The following C9 variants were observed in gnomAD, a reference collection of about 807,000 sequenced individuals.
The protein encoded by C9 is complement C9, also known as complement component C9.
A neutral mutation model predicts 65.4 loss-of-function variants in C9; 63 were observed. The observed-to-expected ratio is 0.96, with a 90% CI of 0.79 to 1.19. The LOEUF is 1.19. Ranked by LOEUF, C9 falls within the 50% of genes most tolerant of loss-of-function variation. C9 has a pLI of 0.00. For synonymous variants in C9, 229 were observed against 227.9 expected, an observed-to-expected ratio of 1.00 and a Z score of -0.04; for missense variants, 744 against 670.1, an observed-to-expected ratio of 1.11 and a Z score of -1.22.
chr5:39,356,691 A>G (rs900349986), intron 1 of C9, among the ~76,000 whole-genome samples: 23 of 152,370 alleles, frequency 1.5e-4, no homozygotes, highest in Non-Finnish European at 1.3e-4. Flanking sequence ...AGTCATGCAA[A>G]AAGAATATAT....
rs879893847 is a variant in C9 at position 39,301,843 on chromosome 5, G to A, written c.1416+4774C>T. On this transcript the variant is annotated intron_variant, in intron 9 of 10. Transcript: ENST00000263408. Reference sequence around the variant, plus strand: ...ACTGTTCACCAGTGTAGTCTTTTATGAATTAGTATATAGTATATAGGATTC... The same window carrying A: ...ACTGTTCACCAGTGTAGTCTTTTATAAATTAGTATATAGTATATAGGATTC... Among the ~76,000 whole-genome samples the A allele has an allele frequency of 3.7e-4, 56 of 152,024 alleles. 2 individuals carry two copies. Among genetic ancestry groups the A allele is most frequent in the Admixed American group, 7.9e-4 (12 of 15,238 alleles).
intron 1 of C9, among the ~76,000 whole-genome samples, chr5:39,350,569 A>G (rs968541514): frequency 6.7e-6 from 1 of 149,780 alleles, no homozygotes; most frequent in Non-Finnish European, 1.5e-5. Context: ...CATAGGGTAA[A>G]TGCTCCCTTT....
rs939504672 is a variant in C9, at chr5:39,284,433, T to C, written c.*766A>G. On this transcript the variant is annotated 3_prime_UTR_variant, in exon 11 of 11. Coordinates refer to ENST00000263408, the MANE Select transcript of C9 (RefSeq NM_001737.5). The stretch of plus-strand genomic sequence containing the variant: ...TAAGGCTAGGTATTAAGTTGGACTA[T>C]ATAAAATTGATGTTTTTTCTTGTAA... 6.6e-6 allele frequency: 1 copy of C among 152,228 alleles called. No individual in the cohort carries two copies. The highest frequency in any genetic ancestry group is 2.4e-5 in the African/African-American group (1 of 41,456). The allele number at this position is 152,228 out of a possible 1,614,324, so 9.4% of individuals were successfully genotyped here.
chr5:39,351,206 G>A (rs760203356), intron 1 of C9, among the ~76,000 whole-genome samples: 12 of 152,138 alleles, frequency 7.9e-5, no homozygotes, highest in Non-Finnish European at 1.8e-4. Flanking sequence ...ATGTCCCAAG[G>A]CTGCACAGAG....
At chr5:39,341,528 C>T (rs1754082453) in intron 3 of C9, 28 bp downstream of exon 3, 23 of 1,611,464 alleles carry the variant, frequency 1.4e-5, no homozygotes, top group Non-Finnish European at 1.9e-5. Flanking sequence ...CAGAAAGCCA[C>T]AATGAGCAAT....
At chr5:39,322,546 CAA>C (rs1753681494) in intron 5 of C9, among the ~76,000 whole-genome samples, 1 of 151,828 alleles carries the variant, frequency 6.6e-6, no homozygotes, top group East Asian at 1.9e-4. Context: ...CCAACAAAAC[CAA>C]GAGTTTGTTT....
chr5:39,288,763 C>T lies in C9; in HGVS notation c.1605G>A (p.Glu535=), dbSNP rs1174817720. ...GTTTACTGATTTCACAGGCAATTCC[C>T]TCAAATTTGAATGGGCAGGCACACA... The part of the protein sequence containing the change: ...KCLCACPFKF[E]GIACEISKQK... Residue 535 remains glutamate, a synonymous_variant, in exon 10 of 11, where the codon GAG becomes GAA. Coordinates refer to ENST00000263408, the MANE Select transcript of C9 (RefSeq NM_001737.5). 1 of 1,612,198 alleles carries T rather than the reference C, an allele frequency of 6.2e-7. No homozygotes were observed. Among genetic ancestry groups the T allele is most frequent in the Non-Finnish European group, 8.5e-7 (1 of 1,178,732 alleles).
intron 1 of C9, among the ~76,000 whole-genome samples, chr5:39,345,261 C>A (rs1407614362): frequency 6.6e-6 from 1 of 152,144 alleles, no homozygotes; most frequent in Non-Finnish European, 1.5e-5. Flanking sequence ...CATCAGTGTG[C>A]TGTATTCAGG....
At chr5:39,318,677 A>G (rs1459151727) in intron 5 of C9, among the ~76,000 whole-genome samples, 5 of 151,934 alleles carry the variant, frequency 3.3e-5, no homozygotes, top group Non-Finnish European at 5.9e-5. Flanking sequence ...CTTGTCTGGG[A>G]AGGGGACACC....
chr5:39,315,313 T>A (rs1411698936), intron 6 of C9, among the ~76,000 whole-genome samples: 1 of 152,142 alleles, frequency 6.6e-6, no homozygotes, highest in Non-Finnish European at 1.5e-5. Flanking sequence ...ATTTTCAAAG[T>A]CTCAAACGTA....
chr5:39,301,057 A>T (rs28465647), intron 9 of C9, among the ~76,000 whole-genome samples: 60,387 of 151,914 alleles, frequency 0.4, 13,372 homozygotes, highest in Middle Eastern at 0.59. Flanking sequence ...TGAGGTAGGA[A>T]ACAACTTTAA....
chr5:39,308,147 A>T, intron 8 of C9, 83 bp downstream of exon 8: 1 of 1,240,164 alleles, frequency 8.1e-7, no homozygotes, highest in Non-Finnish European at 1.2e-6. Flanking sequence ...ACAGACAATT[A>T]AGAGGGCTCA....
At chr5:39,333,620 C>G (rs1753888514) in intron 4 of C9, among the ~76,000 whole-genome samples, 1 of 144,202 alleles carries the variant, frequency 6.9e-6, no homozygotes, top group African/African-American at 2.5e-5. Flanking sequence ...TTTCCATGGT[C>G]TCCCCTCTCC....
rs1752951778 is a variant in C9, at chr5:39,284,435, T to C, written c.*764A>G. 1 of 152,222 alleles carries C rather than the reference T, an allele frequency of 6.6e-6. No individual in the cohort carries two copies. Among genetic ancestry groups the C allele is most frequent in the South Asian group, 2.1e-4 (1 of 4,826 alleles). The allele number at this position is 152,222 out of a possible 1,614,324, so 9.4% of individuals were successfully genotyped here. On this transcript the variant is annotated 3_prime_UTR_variant, in exon 11 of 11. Coordinates refer to ENST00000263408, the MANE Select transcript of C9 (RefSeq NM_001737.5). Reference sequence around the variant, plus strand: ...AGGCTAGGTATTAAGTTGGACTATATAAAATTGATGTTTTTTCTTGTAAAA... The same window carrying C: ...AGGCTAGGTATTAAGTTGGACTATACAAAATTGATGTTTTTTCTTGTAAAA...
chr5:39,339,939 G>A (rs968614592), intron 4 of C9, among the ~76,000 whole-genome samples: 9 of 152,132 alleles, frequency 5.9e-5, no homozygotes, highest in East Asian at 3.9e-4. Flanking sequence ...GATTACAGGC[G>A]TGACCCGCCG....
intron 1 of C9, among the ~76,000 whole-genome samples, chr5:39,350,700 G>A (rs1331154766): frequency 6.6e-6 from 1 of 152,180 alleles, no homozygotes; most frequent in Admixed American, 6.5e-5. Flanking sequence ...CACTAATCAT[G>A]TTCAGGGAAT....
chr5:39,315,501 A>G (rs1753553296), intron 6 of C9, among the ~76,000 whole-genome samples: 1 of 152,170 alleles, frequency 6.6e-6, no homozygotes, highest in Admixed American at 6.5e-5. Context: ...ATATAAATTG[A>G]ATGGTATATT....
chr5:39,345,903 C>T lies in C9; in HGVS notation c.78-3707G>A, dbSNP rs149555299. ...ACTCAACTACATGGAAACTGAACAA[C>T]CTGCTTCTGAATGACTACTGGGTAC... On this transcript the variant is annotated intron_variant, in intron 1 of 10. Coordinates refer to ENST00000263408, the MANE Select transcript of C9 (RefSeq NM_001737.5). Among the ~76,000 whole-genome samples, 709 of 152,284 alleles carry T rather than the reference C, an allele frequency of 4.7e-3. 5 individuals are homozygous for T. The highest frequency in any genetic ancestry group is 0.016 in the African/African-American group (673 of 41,558).
chr5:39,308,183 A>G (rs1373308960), intron 8 of C9, 47 bp downstream of exon 8: 2 of 1,560,880 alleles, frequency 1.3e-6, no homozygotes, highest in Non-Finnish European at 1.8e-6. Flanking sequence ...GCTCATTGAC[A>G]TCTACCCTCA....
Sources: allele counts gnomAD v4.1 joint callset (sites outside exome capture counted in the v4.1 genomes callset), GRCh38; gene constraint gnomAD v4.1.1; transcripts MANE v1.5; gene names NCBI Gene and HGNC (gene_info 2026-07-23, HGNC 2026-07-21).